ADAMTS19: variants seen among roughly 807,000 people sequenced by gnomAD.
ADAMTS19 encodes ADAM metallopeptidase with thrombospondin type 1 motif 19.
ADAMTS19 carries 93 observed loss-of-function variants against 153.3 expected under a neutral mutation model. That is an observed-to-expected ratio of 0.61 (90% CI 0.51 to 0.72). The LOEUF (loss-of-function observed/expected upper bound fraction) is 0.72. Among genes scored for constraint, ADAMTS19 ranks in the 30% least tolerant of loss-of-function variants. ADAMTS19 has a pLI of 0.00. For synonymous variants in ADAMTS19, 600 were observed against 556.6 expected (o/e 1.08, Z -1.10); for missense variants, 1,482 against 1,552.1 (o/e 0.95, Z 0.76).
At chr5:129,643,367 C>CAAAAAAAAA (rs556007087) in intron 11 of ADAMTS19, among the ~76,000 whole-genome samples, 74 of 40,328 alleles carry the variant, frequency 1.8e-3, no homozygotes, top group African/African-American at 4.4e-3. Context: ...GTTTCAAAGA[C>CAAAAAAAAA]AAAAAAAAAA....
intron 10 of ADAMTS19, among the ~76,000 whole-genome samples, chr5:129,636,096 C>T (rs1172024235): frequency 1.3e-5 from 2 of 152,088 alleles, no homozygotes; most frequent in African/African-American, 2.4e-5. Context: ...AAGGTATTAC[C>T]GTGTTAGCTA....
rs188332663 is a variant in ADAMTS19, at chr5:129,543,242, C to T, written c.1329-8622C>T. 5.3e-3 allele frequency among the ~76,000 whole-genome samples: 809 copies of T among 151,434 alleles called. 10 individuals are homozygous for T. Among genetic ancestry groups the T allele is most frequent in the South Asian group, 0.01 (48 of 4,794 alleles). On this transcript the variant is annotated intron_variant, in intron 6 of 22. Coordinates refer to ENST00000274487, the MANE Select transcript of ADAMTS19 (RefSeq NM_133638.6). ...TTTTTTGTATTTTTTTTAGTAGAGACGGTTTCTCCATGTTGGTCAGGCTGG... is the reference window on the plus strand; with the variant it reads ...TTTTTTGTATTTTTTTTAGTAGAGATGGTTTCTCCATGTTGGTCAGGCTGG...
At chr5:129,555,510 C>G (rs1397211880) in intron 7 of ADAMTS19, among the ~76,000 whole-genome samples, 2 of 152,098 alleles carry the variant, frequency 1.3e-5, no homozygotes, top group East Asian at 3.8e-4. Context: ...CAGGGCTATG[C>G]TACTTATTGA....
chr5:129,645,664 C>A (rs541468902), intron 11 of ADAMTS19, among the ~76,000 whole-genome samples: 1 of 152,114 alleles, frequency 6.6e-6, no homozygotes. Context: ...TGAACTCTAG[C>A]CCAGTCTTTC....
chr5:129,580,416 A>G (rs914332212), intron 7 of ADAMTS19, among the ~76,000 whole-genome samples: 13 of 152,116 alleles, frequency 8.5e-5, no homozygotes, highest in Non-Finnish European at 1.0e-4. Context: ...CTATTTGAAT[A>G]CCCTTTATTT....
intron 19 of ADAMTS19, among the ~76,000 whole-genome samples, chr5:129,700,516 A>G (rs1488172985): frequency 6.6e-6 from 1 of 152,254 alleles, no homozygotes; most frequent in South Asian, 2.1e-4. Flanking sequence ...ATACCCCCAT[A>G]TCTCTCACTG....
At chr5:129,609,013 A>G (rs60450728) in intron 8 of ADAMTS19, among the ~76,000 whole-genome samples, 5,790 of 152,274 alleles carry the variant, frequency 0.038, 345 homozygotes, top group African/African-American at 0.13. Flanking sequence ...GCTCCTTAAA[A>G]TGTTGAAAAT....
In ADAMTS19 at chr5:129,620,711, C is replaced by T. The variant is rs374938398; in HGVS notation, c.1572C>T (p.Asp524=). The T allele has an allele frequency of 2.6e-4, 419 of 1,612,834 alleles. 3 individuals carry two copies. In the South Asian group the frequency reaches 3.7e-3, roughly 14 times the overall value. ...GGATTAAAGGACAGAATCTTGGTGA[C>T]GTTTCATGGTCTCGATGTAGCAAGG... is the stretch of plus-strand genomic sequence containing the variant. The part of the protein sequence containing the change: ...GEWIKGQNLG[D]VSWSRCSKED... The change falls in exon 9 of 23, where the codon GAC becomes GAT. Residue 524 remains aspartate, a synonymous_variant. Coordinates refer to ENST00000274487, the MANE Select transcript of ADAMTS19 (RefSeq NM_133638.6).
rs184858681 is a variant in ADAMTS19, at chr5:129,526,806, A to G, written c.1086+350A>G. Among the ~76,000 whole-genome samples, 236 of 151,410 alleles carry G rather than the reference A, an allele frequency of 1.6e-3. 2 individuals carry two copies. Among genetic ancestry groups the G allele is most frequent in the African/African-American group, 5.3e-3 (219 of 41,364 alleles). Reference sequence around the variant, plus strand: ...TCTGTATGTATGCATGTATTTATTTATTTATTTATTTTTTTGGTACATAGT... The same window carrying G: ...TCTGTATGTATGCATGTATTTATTTGTTTATTTATTTTTTTGGTACATAGT... On this transcript the variant is annotated intron_variant, in intron 4 of 22. Coordinates refer to ENST00000274487, the MANE Select transcript of ADAMTS19 (RefSeq NM_133638.6).
intron 3 of ADAMTS19, among the ~76,000 whole-genome samples, chr5:129,522,525 T>C (rs1415208407): frequency 6.6e-6 from 1 of 151,518 alleles, no homozygotes; most frequent in Non-Finnish European, 1.5e-5. Flanking sequence ...CATTAATTGT[T>C]ACAACACTTC....
intron 19 of ADAMTS19, among the ~76,000 whole-genome samples, chr5:129,700,339 A>C (rs973635935): frequency 3.3e-5 from 5 of 152,166 alleles, no homozygotes; most frequent in Admixed American, 2.0e-4. Context: ...TCCAGTGTCT[A>C]TGCTCATATC....
intron 21 of ADAMTS19, among the ~76,000 whole-genome samples, chr5:129,721,689 T>G (rs1757010985): frequency 6.6e-6 from 1 of 152,174 alleles, no homozygotes; most frequent in Non-Finnish European, 1.5e-5. Flanking sequence ...GCTGTACCTT[T>G]CAACCTGTCA....
At chr5:129,578,024 T>C (rs1199433444) in intron 7 of ADAMTS19, among the ~76,000 whole-genome samples, 1 of 145,318 alleles carries the variant, frequency 6.9e-6, no homozygotes, top group Non-Finnish European at 1.5e-5. Flanking sequence ...AGGAATTTAT[T>C]GATTTTCAAA....
chr5:129,473,252 A>C (rs1750125431), intron 2 of ADAMTS19, among the ~76,000 whole-genome samples: 1 of 151,808 alleles, frequency 6.6e-6, no homozygotes, highest in Non-Finnish European at 1.5e-5. Flanking sequence ...TATATCAGCT[A>C]ATCAGATTAA....
At chr5:129,518,858 GGTTTGCTTC>G (rs1327363045) in intron 3 of ADAMTS19, among the ~76,000 whole-genome samples, 3 of 151,946 alleles carry the variant, frequency 2.0e-5, no homozygotes, top group Non-Finnish European at 4.4e-5. Context: ...AGATCCTGTA[GGTTTGCTTC>G]ATTGTTTTTT....
At chr5:129,631,860 TG>T (rs1299530833) in intron 10 of ADAMTS19, among the ~76,000 whole-genome samples, 15 of 152,176 alleles carry the variant, frequency 9.9e-5, no homozygotes, top group African/African-American at 3.1e-4. Flanking sequence ...ACAATGTGTT[TG>T]AATTTAGGTC....
At chr5:129,479,560 A>G (rs1750341507) in intron 2 of ADAMTS19, among the ~76,000 whole-genome samples, 2 of 152,212 alleles carry the variant, frequency 1.3e-5, no homozygotes, top group Admixed American at 6.5e-5. Context: ...AGAAAACATG[A>G]TGGTCTATAG....
intron 6 of ADAMTS19, among the ~76,000 whole-genome samples, chr5:129,538,407 T>C (rs1752537580): frequency 6.6e-6 from 1 of 152,110 alleles, no homozygotes; most frequent in Admixed American, 6.6e-5. Flanking sequence ...TTTTATTCCT[T>C]ATTTCCAATG....
rs140137230 is a variant in ADAMTS19, at chr5:129,692,884, C to T, written c.2819-1836C>T. ...GGTAGGAGGCACACCTCATTCCACT[C>T]AAAGGAAAGGGCCTGTTACCTGCCT... On this transcript the variant is annotated intron_variant, in intron 18 of 22. Transcript: ENST00000274487. 6.4e-3 allele frequency among the ~76,000 whole-genome samples: 973 copies of T among 152,248 alleles called. 3 individuals are homozygous for T. The highest frequency in any genetic ancestry group is 9.7e-3 in the Non-Finnish European group (662 of 68,028).
Sources: allele counts gnomAD v4.1 joint callset (sites outside exome capture counted in the v4.1 genomes callset), GRCh38; gene constraint gnomAD v4.1.1; transcripts MANE v1.5; gene names NCBI Gene and HGNC (gene_info 2026-07-23, HGNC 2026-07-21).